The following ERI3 variants were observed in gnomAD, a reference collection of about 807,000 sequenced individuals.
ERI3 encodes ERI1 exoribonuclease family member 3, also known as ERI1 exoribonuclease 3.
Under a neutral mutation model 44.4 loss-of-function variants are expected in ERI3, and 18 were observed. The observed-to-expected ratio is 0.41, with a 90% CI of 0.28 to 0.60. The LOEUF (loss-of-function observed/expected upper bound fraction) is 0.60. ERI3 is among the 20% of genes least tolerant of loss of function. The probability of loss-of-function intolerance (pLI) is 0.36; values close to 1 mark genes in which losing one functional copy is unlikely to be tolerated. For synonymous variants in ERI3, 183 were observed against 164.8 expected (o/e 1.11, Z -0.84); for missense variants, 294 against 435.5 (o/e 0.68, Z 2.89).
intron 5 of ERI3, among the ~76,000 whole-genome samples, chr1:44,309,815 G>A (rs758702976): frequency 7.9e-5 from 12 of 151,904 alleles, no homozygotes; most frequent in Non-Finnish European, 1.6e-4. Context: ...TGCCCGCCTC[G>A]GCCTCCCAAA....
intron 7 of ERI3, among the ~76,000 whole-genome samples, chr1:44,253,798 G>A (rs942240178): frequency 4.6e-5 from 7 of 152,096 alleles, no homozygotes; most frequent in Non-Finnish European, 8.8e-5. Context: ...CATGAGACTC[G>A]GTGAAGAAAG....
At chr1:44,260,952 G>A (rs1381984569) in intron 7 of ERI3, among the ~76,000 whole-genome samples, 2 of 152,214 alleles carry the variant, frequency 1.3e-5, no homozygotes, top group East Asian at 1.9e-4. Context: ...GCTTAACCAC[G>A]TATTTACATA....
intron 7 of ERI3, among the ~76,000 whole-genome samples, chr1:44,281,526 T>G (rs1416143071): frequency 4.0e-5 from 6 of 148,184 alleles, no homozygotes; most frequent in African/African-American, 1.5e-4. Context: ...AGTTCAAGGC[T>G]GCAGCGAGCC....
chr1:44,350,265 C>CT lies in ERI3; in HGVS notation c.211+2584dup, dbSNP rs57939758. On this transcript the variant is annotated intron_variant, in intron 2 of 8. Coordinates refer to ENST00000372257, the MANE Select transcript of ERI3 (RefSeq NM_024066.3). The stretch of plus-strand genomic sequence containing the variant: ...AATATAGTTTCCAAAGGATTTTAAT[C>CT]TTTTTTTTTTTTTTGAGACAGAGTC... Among the ~76,000 whole-genome samples the CT allele has an allele frequency of 4.9e-3, 705 of 144,680 alleles. 6 individuals are homozygous for CT. Among genetic ancestry groups the CT allele is most frequent in the African/African-American group, 0.013 (521 of 39,786 alleles). 94.9% of individuals were successfully genotyped at this position (144,680 alleles called of 152,430 possible). A position where few individuals can be genotyped will look rare whatever the true frequency, so the allele number is the denominator to read the frequency against.
rs977419070 is a variant in ERI3 at position 44,252,273 on chromosome 1, T to TCCCTTC, written c.832-4241_832-4236dup. ...TGCCAGGCAGGCACGCACACACGCT[T>TCCCTTC]CCCTTCCCCTGGGCTGCTGCAATTT... On this transcript the variant is annotated intron_variant, in intron 7 of 8. Transcript: ENST00000372257. This position sits in a 1 kb window ranked among gnomAD's most constrained non-coding sequence, Gnocchi z 4.7. Among the ~76,000 whole-genome samples the TCCCTTC allele has an allele frequency of 7.2e-5, 11 of 152,194 alleles. No individual in the cohort carries two copies. The highest frequency in any genetic ancestry group is 2.7e-4 in the African/African-American group (11 of 41,448).
intron 6 of ERI3, among the ~76,000 whole-genome samples, chr1:44,294,337 C>T (rs1448073287): frequency 1.3e-5 from 2 of 152,138 alleles, no homozygotes; most frequent in Admixed American, 1.3e-4. Flanking sequence ...ATGCATATAG[C>T]GCCTCCCTGA....
chr1:44,342,045 AG>A (rs1164904885), intron 2 of ERI3, among the ~76,000 whole-genome samples: 1 of 152,210 alleles, frequency 6.6e-6, no homozygotes, highest in Non-Finnish European at 1.5e-5. Flanking sequence ...CAAGAAACAG[AG>A]GGTAGCTCTT....
chr1:44,228,169 T>C lies in ERI3; in HGVS notation c.932-6529A>G, dbSNP rs1207276565. On this transcript the variant is annotated intron_variant, in intron 8 of 8. Transcript: ENST00000372257. This position sits in a 1 kb window ranked among gnomAD's most constrained non-coding sequence, Gnocchi z 4.3. ...CACAGCCATGGCTCCCATAGCTTCC[T>C]ACCCCTCCCCCAGACAGGATCCTTA... 6.6e-6 allele frequency among the ~76,000 whole-genome samples: 1 copy of C among 151,506 alleles called. No homozygotes were observed. The highest frequency in any genetic ancestry group is 1.5e-5 in the Non-Finnish European group (1 of 67,926).
At chr1:44,269,524 C>T (rs1484697178) in intron 7 of ERI3, among the ~76,000 whole-genome samples, 2 of 152,216 alleles carry the variant, frequency 1.3e-5, no homozygotes, top group Non-Finnish European at 1.5e-5. Context: ...ACAGACCTCC[C>T]CAATTGGGTG....
chr1:44,349,331 T>C (rs1169831695), intron 2 of ERI3, among the ~76,000 whole-genome samples: 1 of 152,134 alleles, frequency 6.6e-6, no homozygotes, highest in Non-Finnish European at 1.5e-5. Context: ...TTTTTGTATT[T>C]TTGTAGAGAT....
At chr1:44,227,107 G>C (rs1644064182) in intron 8 of ERI3, among the ~76,000 whole-genome samples, 1 of 152,170 alleles carries the variant, frequency 6.6e-6, no homozygotes, top group African/African-American at 2.4e-5. Context: ...AGGGACAGTA[G>C]GGTGGCAAGC....
In ERI3 at chr1:44,352,884, T is replaced by A. The variant is rs748054752; in HGVS notation, c.177A>T (p.Pro59=). 2.5e-6 allele frequency: 4 copies of A among 1,614,148 alleles called. No individual in the cohort carries two copies. The South Asian group carries it at 3.3e-5, about 13-fold the overall frequency. The change falls in exon 2 of 9, where the codon CCA becomes CCT. Residue 59 remains proline (P), a synonymous_variant. Transcript: ENST00000372257. The stretch of plus-strand genomic sequence containing the variant: ...CTTCGAAGATGCCAAGACCGGCAGC[T>A]GGGGATGCTGAAGGTTCTGTGAGAG... ...FPALTEPSAS[P]AAGLGIFEVR...
At chr1:44,322,886 G>C in intron 3 of ERI3, 1 of 1,539,814 alleles carries the variant, frequency 6.5e-7, no homozygotes, top group Non-Finnish European at 8.8e-7. Flanking sequence ...ATTTTTAGCT[G>C]ATAATGATCA....
intron 4 of ERI3, among the ~76,000 whole-genome samples, chr1:44,316,636 C>G (rs954566707): frequency 5.3e-5 from 8 of 152,240 alleles, no homozygotes; most frequent in Non-Finnish European, 1.2e-4. Context: ...GCACTTGTCT[C>G]TGGTGTGCAA....
rs112779484 is a variant in ERI3, at chr1:44,317,486, T to G, written c.606+2142A>C. 7.2e-5 allele frequency among the ~76,000 whole-genome samples: 11 copies of G among 152,288 alleles called. 1 individual carries two copies. Among genetic ancestry groups the G allele is most frequent in the African/African-American group, 2.6e-4 (11 of 41,566 alleles). ...CAAAATAACAAGTCAGCAGTACAGT[T>G]GTTTTTGGGAGAGACAGAAAATAAC... On this transcript the variant is annotated intron_variant, in intron 4 of 8. Coordinates refer to ENST00000372257, the MANE Select transcript of ERI3 (RefSeq NM_024066.3).
Position 44,221,714 on chromosome 1 carries a change from T to G in ERI3, c.932-74A>C. On this transcript the variant is annotated intron_variant, in intron 8 of 8. Coordinates refer to ENST00000372257, the MANE Select transcript of ERI3 (RefSeq NM_024066.3). This position sits in a 1 kb window ranked among gnomAD's most constrained non-coding sequence, Gnocchi z 5.9. ...ATGCCCACAGGTGCTCTTACAAGGG[T>G]GGGGGTGGGAAGCAGGGTCAGATTC... The G allele has an allele frequency of 2.5e-6, 3 of 1,217,368 alleles. No homozygotes were observed. The highest frequency in any genetic ancestry group is 2.4e-5 in the East Asian group (1 of 42,130). 75.4% of individuals were successfully genotyped at this position (1,217,368 alleles called of 1,614,324 possible).
chr1:44,306,135 A>G (rs879125532), intron 6 of ERI3, among the ~76,000 whole-genome samples: 1 of 152,232 alleles, frequency 6.6e-6, no homozygotes, highest in South Asian at 2.1e-4. Context: ...AGACCTGCTT[A>G]TAAGAGGCAG....
rs1282896019 is a variant in ERI3, at chr1:44,339,337, G to GT, written c.212-16dup. ...AGCATCTAAAACTTAGGGGAGGAAAGTTTAAAAAAAAAAAAAAAAAAGAAA... is the reference window on the plus strand; with the variant it reads ...AGCATCTAAAACTTAGGGGAGGAAAGTTTTAAAAAAAAAAAAAAAAAAGAAA... On this transcript the variant is annotated splice_polypyrimidine_tract_variant and intron_variant, in intron 2 of 8. Coordinates refer to ENST00000372257, the MANE Select transcript of ERI3 (RefSeq NM_024066.3). 2 of 572,288 alleles carry GT rather than the reference G, an allele frequency of 3.5e-6. No individual in the cohort carries two copies. The highest frequency in any genetic ancestry group is 4.5e-5 in the Admixed American group (1 of 22,378). The allele number at this position is 572,288 out of a possible 1,614,324, so 35.5% of individuals were successfully genotyped here.
At chr1:44,256,039 T>C (rs1434737650) in intron 7 of ERI3, among the ~76,000 whole-genome samples, 1 of 152,158 alleles carries the variant, frequency 6.6e-6, no homozygotes, top group Non-Finnish European at 1.5e-5. Context: ...ATGGATTTTG[T>C]CTCCCATTAT....
Sources: gnomAD v4.1 joint callset for allele counts (sites outside exome capture counted in the v4.1 genomes callset) on GRCh38, gnomAD v4.1.1 for gene constraint, Gnocchi (gnomAD v3.1) non-coding constraint, MANE v1.5 for transcripts, NCBI Gene and HGNC (gene_info 2026-07-23, HGNC 2026-07-21) for gene names.